CDK14: variants seen among roughly 807,000 people sequenced by gnomAD.
CDK14 encodes the protein cyclin-dependent kinase 14.
In CDK14, 34 loss-of-function variants were observed where a neutral mutation model predicts 60.7. The observed-to-expected ratio is 0.56, with a 90% CI of 0.43 to 0.75. The LOEUF (loss-of-function observed/expected upper bound fraction) is 0.75. Ranked by LOEUF, CDK14 falls within the 30% of genes least tolerant of loss-of-function variation. The probability of loss-of-function intolerance (pLI) is 0.00; values close to 1 mark genes in which losing one functional copy is unlikely to be tolerated. For missense variants in CDK14, 482 were observed against 564.1 expected (o/e 0.85, Z 1.47); for synonymous variants, 197 against 203.7 (o/e 0.97, Z 0.28).
chr7:90,967,259 T>A (rs909583863), intron 9 of CDK14, among the ~76,000 whole-genome samples: 1 of 151,674 alleles, frequency 6.6e-6, no homozygotes, highest in Non-Finnish European at 1.5e-5. Context: ...GGGAATTAGG[T>A]TCGTATTGTA....
chr7:90,748,075 T>G lies in CDK14; in HGVS notation c.464+300T>G, dbSNP rs141607177. On this transcript the variant is annotated intron_variant, in intron 4 of 14. Transcript: ENST00000380050. ...AATGAGAATTCATTTCCAGGTGAATTATGTGATTAATTTCTCATAGAGATT... is the reference window on the plus strand; with the variant it reads ...AATGAGAATTCATTTCCAGGTGAATGATGTGATTAATTTCTCATAGAGATT... Among the ~76,000 whole-genome samples, 335 of 152,250 alleles carry G rather than the reference T, an allele frequency of 2.2e-3. 1 individual carries two copies. The highest frequency in any genetic ancestry group is 7.8e-3 in the African/African-American group (325 of 41,534).
intron 4 of CDK14, among the ~76,000 whole-genome samples, chr7:90,782,619 G>A (rs1805389049): frequency 6.6e-6 from 1 of 151,952 alleles, no homozygotes; most frequent in Admixed American, 6.6e-5. Context: ...TTAAATGGGG[G>A]GACTTGTCTA....
At chr7:91,134,965 C>T (rs561107518) in intron 14 of CDK14, among the ~76,000 whole-genome samples, 9 of 151,866 alleles carry the variant, frequency 5.9e-5, no homozygotes, top group Non-Finnish European at 7.4e-5. Context: ...TTAAATTGGC[C>T]GTTTTATGTA....
At chr7:90,690,105 G>A (rs967874152) in intron 2 of CDK14, among the ~76,000 whole-genome samples, 1 of 152,104 alleles carries the variant, frequency 6.6e-6, no homozygotes, top group Non-Finnish European at 1.5e-5. Context: ...AGAAAAATCT[G>A]ATCATTTGTA....
At chr7:90,674,535 G>A (rs1801160359) in intron 2 of CDK14, among the ~76,000 whole-genome samples, 2 of 152,172 alleles carry the variant, frequency 1.3e-5, no homozygotes, top group Admixed American at 1.3e-4. Flanking sequence ...ACGAACCTCA[G>A]TGCTTAATTT....
intron 12 of CDK14, among the ~76,000 whole-genome samples, chr7:91,098,790 G>A (rs1172414439): frequency 6.6e-6 from 1 of 152,092 alleles, no homozygotes; most frequent in Admixed American, 6.5e-5. Flanking sequence ...TCTTTAAAAA[G>A]CGTGACAGCA....
At chr7:90,957,603 T>G (rs1254781132) in intron 9 of CDK14, among the ~76,000 whole-genome samples, 12 of 152,054 alleles carry the variant, frequency 7.9e-5, no homozygotes, top group Non-Finnish European at 1.5e-4. Flanking sequence ...CCGTTCACAA[T>G]TGCTTCAAAG....
intron 6 of CDK14, among the ~76,000 whole-genome samples, chr7:90,895,549 C>T (rs1377687832): frequency 2.0e-5 from 1 of 51,262 alleles, no homozygotes; most frequent in Non-Finnish European, 3.8e-5. Flanking sequence ...CCTTCCCCTC[C>T]CCTCTCCTCC....
At chr7:90,798,388 AC>A (rs1053329384) in intron 5 of CDK14, among the ~76,000 whole-genome samples, 55 of 151,994 alleles carry the variant, frequency 3.6e-4, no homozygotes, top group African/African-American at 1.3e-3. Flanking sequence ...AGACACAATA[AC>A]TCCTCTGTGT....
At chr7:90,800,763 CT>C (rs1489987465) in intron 5 of CDK14, among the ~76,000 whole-genome samples, 1 of 152,134 alleles carries the variant, frequency 6.6e-6, no homozygotes, top group African/African-American at 2.4e-5. Context: ...CTGGCTTATT[CT>C]TTTGTAGTGC....
At chr7:91,094,724 A>C (rs1287850274) in intron 12 of CDK14, among the ~76,000 whole-genome samples, 1 of 152,188 alleles carries the variant, frequency 6.6e-6, no homozygotes, top group African/African-American at 2.4e-5. Flanking sequence ...TTCAGAATTT[A>C]GGTGGTGTGA....
At chr7:90,616,741 CTA>C (rs1490778708) in intron 2 of CDK14, among the ~76,000 whole-genome samples, 1 of 152,118 alleles carries the variant, frequency 6.6e-6, no homozygotes, top group Non-Finnish European at 1.5e-5. Context: ...GCACTAATTT[CTA>C]TATAGTTATT....
In CDK14 at chr7:90,680,525, G is replaced by C. The variant is rs1468272317; in HGVS notation, c.124-46042G>C. Among the ~76,000 whole-genome samples the C allele has an allele frequency of 2.6e-5, 4 of 152,216 alleles. No homozygotes were observed. In the South Asian group the frequency reaches 6.2e-4, roughly 24 times the overall value. ...GAAGCCAGATGAGACCCTCAGGTCAGATAGAATGAGTTTCTATTTGTCTTG... is the reference window on the plus strand; with the variant it reads ...GAAGCCAGATGAGACCCTCAGGTCACATAGAATGAGTTTCTATTTGTCTTG... On this transcript the variant is annotated intron_variant, in intron 2 of 14. Transcript: ENST00000380050.
At chr7:90,747,652 GT>G (rs1562750912) in intron 3 of CDK14, 28 bp from the exon 4 acceptor site, 2 of 1,306,404 alleles carry the variant, frequency 1.5e-6, no homozygotes, top group Admixed American at 4.1e-5. Context: ...GATACAATCT[GT>G]TTTGTTTACC....
intron 10 of CDK14, among the ~76,000 whole-genome samples, chr7:90,987,933 T>G (rs965645440): frequency 6.6e-6 from 1 of 152,104 alleles, no homozygotes; most frequent in African/African-American, 2.4e-5. Flanking sequence ...ATTTGGTTTG[T>G]TTTGTGTTTT....
chr7:90,596,811 C>A, intron 1 of CDK14, 93 bp downstream of exon 1: 1 of 1,076,572 alleles, frequency 9.3e-7, no homozygotes. Context: ...CAGCTGCCAG[C>A]GGGGCTGGCG....
In CDK14 at chr7:90,968,539, G is replaced by T. The variant is rs1244865366; in HGVS notation, c.947+12722G>T. Among the ~76,000 whole-genome samples, 4 of 152,084 alleles carry T rather than the reference G, an allele frequency of 2.6e-5. No individual in the cohort carries two copies. The South Asian group carries it at 6.2e-4, about 24-fold the overall frequency. On this transcript the variant is annotated intron_variant, in intron 9 of 14. Coordinates refer to ENST00000380050, the MANE Select transcript of CDK14 (RefSeq NM_001287135.2). ...GTGAGACAATAGATTCCAAGAGTGG[G>T]ATGTTTATATAATTGAATTTTCAGT...
intron 14 of CDK14, among the ~76,000 whole-genome samples, chr7:91,203,450 T>C (rs1802789601): frequency 6.6e-6 from 1 of 152,238 alleles, no homozygotes; most frequent in Non-Finnish European, 1.5e-5. Context: ...ACCTGTCCCC[T>C]GACTTGCTCC....
intron 7 of CDK14, among the ~76,000 whole-genome samples, chr7:90,908,892 G>C (rs1792801437): frequency 6.6e-6 from 1 of 151,968 alleles, no homozygotes; most frequent in African/African-American, 2.4e-5. Context: ...TTACTCCAAG[G>C]CTTTTAAACT....
Sources: gnomAD v4.1 joint callset for allele counts (sites outside exome capture counted in the v4.1 genomes callset) on GRCh38, gnomAD v4.1.1 for gene constraint, MANE v1.5 for transcripts, NCBI Gene and HGNC (gene_info 2026-07-23, HGNC 2026-07-21) for gene names.